ZNF723: variants seen among roughly 807,000 people sequenced by gnomAD.
ZNF723 encodes zinc finger protein 723, pseudogene.
ZNF723 carries 5 observed loss-of-function variants against 9.4 expected under a neutral mutation model. The ratio of observed to expected loss-of-function variants is 0.53; its 90% CI spans 0.28 to 1.12. ZNF723 has a LOEUF of 1.12. Ranked by LOEUF, ZNF723 falls within the 50% of genes most tolerant of loss-of-function variation. The pLI is 0.10. For synonymous variants in ZNF723, 158 were observed against 168.8 expected (o/e 0.94, Z 0.49); for missense variants, 450 against 501.5 (o/e 0.90, Z 0.98).
At position 22,857,420 on chromosome 19, in the gene ZNF723, G is replaced by T. The variant is rs1967495215; in HGVS notation, c.529G>T (p.Glu177Ter). The T allele has an allele frequency of 4.4e-6, 4 of 899,670 alleles. No homozygotes were observed. Among genetic ancestry groups the T allele is most frequent in the Non-Finnish European group, 7.5e-6 (4 of 536,288 alleles). The allele number at this position is 899,670 out of a possible 1,614,324, so 55.7% of individuals were successfully genotyped here. ...HTGNNSFKCKECGKSFCMLSH... is the reference protein window; with the variant it reads ...HTGNNSFKCK Reference sequence around the variant, plus strand: ...TGGAAATAATTCTTTCAAATGTAAAGAATGTGGCAAATCATTTTGCATGCT... The same window carrying T: ...TGGAAATAATTCTTTCAAATGTAAATAATGTGGCAAATCATTTTGCATGCT... The change falls in exon 4 of 4, where the codon GAA (glutamate) becomes TAA (stop). Residue 177 changes from glutamate (E) to a stop codon, truncating the protein, a stop_gained. Transcript: ENST00000600766. LOFTEE classifies it low-confidence loss of function (END_TRUNC).
rs1599482306 is a variant in ZNF723 at position 22,857,314 on chromosome 19, G to A, written c.423G>A (p.Pro141=). The A allele has an allele frequency of 3.5e-5, 29 of 821,278 alleles. No homozygotes were observed. In the East Asian group the frequency reaches 4.1e-4, roughly 12 times the overall value. 50.9% of individuals were successfully genotyped at this position (821,278 alleles called of 1,614,324 possible). A position where few individuals can be genotyped will look rare whatever the true frequency, so the allele number is the denominator to read the frequency against. Residue 141 remains proline (P), a synonymous_variant, in exon 4 of 4, where the codon CCG becomes CCA. Transcript: ENST00000600766. ...TTAAGCAATGTTTGACAACTACCCC[G>A]AGCAAAATATTTCAATGTGATAAAT... ...DELKQCLTTT[P]SKIFQCDKYV...
Position 22,858,218 on chromosome 19 carries a change from C to T in ZNF723, c.1327C>T (p.His443Tyr). 5 of 1,370,274 alleles carry T rather than the reference C, an allele frequency of 3.6e-6. No individual in the cohort carries two copies. Among genetic ancestry groups the T allele is most frequent in the Non-Finnish European group, 5.2e-6 (5 of 960,854 alleles). 84.9% of individuals were successfully genotyped at this position (1,370,274 alleles called of 1,614,324 possible). The change falls in exon 4 of 4, where the codon CAT (histidine) becomes TAT (tyrosine). Residue 443 changes from histidine (H) to tyrosine (Y), a missense_variant. His to Tyr is a moderately conservative substitution (Grantham distance 83, BLOSUM62 2). This residue lies in a region of ZNF723 where 237 missense variants were observed against 332.2 expected (regional missense o/e 0.71). Coordinates refer to ENST00000600766, the MANE Select transcript of ZNF723 (RefSeq NM_001349726.2). ...TAGCCAATCCTCAACCCTTACTAAA[C>T]ATAAGATAATTCATACTAAAGAGAA... is the stretch of plus-strand genomic sequence containing the variant. ...GFSQSSTLTK[H>Y]KIIHTKEKPY...
chr19:22,816,305 A>G, the ZNF723 span, among the ~76,000 whole-genome samples: 1 of 152,176 alleles, frequency 6.6e-6, no homozygotes, highest in South Asian at 2.1e-4. Context: ...TCACACCCAA[A>G]GTAAGTTGAA....
At chr19:22,852,355 A>G (rs1967409716) in intron 3 of ZNF723, among the ~76,000 whole-genome samples, 2 of 152,196 alleles carry the variant, frequency 1.3e-5, no homozygotes, top group African/African-American at 4.8e-5. Flanking sequence ...ATATGACAAT[A>G]TTAAAGTCTG....
At chr19:22,820,164 A>G in the ZNF723 span, among the ~76,000 whole-genome samples, 27,865 of 152,012 alleles carry the variant, frequency 0.18, 2,943 homozygotes, top group African/African-American at 0.29. Flanking sequence ...TTTCTCTGCC[A>G]TGCTCACAGT....
At chr19:22,843,773 G>T (rs1186196034) in intron 1 of ZNF723, among the ~76,000 whole-genome samples, 1 of 152,110 alleles carries the variant, frequency 6.6e-6, no homozygotes, top group Non-Finnish European at 1.5e-5. Flanking sequence ...TACCTGCTAA[G>T]AATACATATT....
intron 3 of ZNF723, among the ~76,000 whole-genome samples, chr19:22,851,089 G>T (rs955505415): frequency 6.6e-6 from 1 of 151,960 alleles, no homozygotes; most frequent in South Asian, 2.1e-4. Flanking sequence ...AAGTTTAAGG[G>T]TTTTATGCAC....
At chr19:22,838,474 C>G (rs544516136) in intron 1 of ZNF723, among the ~76,000 whole-genome samples, 215 of 152,146 alleles carry the variant, frequency 1.4e-3, no homozygotes, top group African/African-American at 5.0e-3. Flanking sequence ...ATTGCTTGGA[C>G]CCGGGAGGCG....
intron 3 of ZNF723, among the ~76,000 whole-genome samples, chr19:22,853,449 T>A (rs572217235): frequency 7.9e-5 from 12 of 152,184 alleles, no homozygotes; most frequent in Non-Finnish European, 1.6e-4. Flanking sequence ...TTTGAATAGA[T>A]GCATTCTCCA....
the ZNF723 span, among the ~76,000 whole-genome samples, chr19:22,812,954 T>TTTTTTTTG: frequency 2.6e-5 from 4 of 151,186 alleles, no homozygotes; most frequent in African/African-American, 9.8e-5. Context: ...AAGGTGTTTT[T>TTTTTTTTG]TTTGTTTGTT....
At chr19:22,835,833 A>T (rs778425657) in intron 1 of ZNF723, among the ~76,000 whole-genome samples, 1 of 152,212 alleles carries the variant, frequency 6.6e-6, no homozygotes, top group Non-Finnish European at 1.5e-5. Flanking sequence ...AATGCTAAAT[A>T]TTACAAGATG....
At chr19:22,841,939 C>T (rs1013352804) in intron 1 of ZNF723, among the ~76,000 whole-genome samples, 1 of 152,124 alleles carries the variant, frequency 6.6e-6, no homozygotes, top group Non-Finnish European at 1.5e-5. Flanking sequence ...TTTTAGTTGT[C>T]AAACTCAGAG....
intron 1 of ZNF723, among the ~76,000 whole-genome samples, chr19:22,835,288 C>T (rs935031215): frequency 5.3e-5 from 8 of 151,880 alleles, no homozygotes; most frequent in African/African-American, 9.7e-5. Context: ...GTAATCCACC[C>T]GCTTCAGCCT....
intron 3 of ZNF723, among the ~76,000 whole-genome samples, chr19:22,849,647 A>G (rs4932792): frequency 0.22 from 33,940 of 152,028 alleles, 4,738 homozygotes; most frequent in African/African-American, 0.4. Context: ...AATGTCTCAC[A>G]CCAGTAAACC....
rs1967510426 is a variant in ZNF723, at chr19:22,858,171, G to A, written c.1280G>A (p.Cys427Tyr). The change falls in exon 4 of 4, where the codon TGT (cysteine) becomes TAT (tyrosine). Residue 427 changes from cysteine (C) to tyrosine (Y), a missense_variant. Cys to Tyr is a radical substitution (Grantham distance 194). Transcript: ENST00000600766. ...CATACTGGAGAAAGACCTTACAAATGTAAACAATGTGGTAAAGGTTTTAGC... is the reference window on the plus strand; with the variant it reads ...CATACTGGAGAAAGACCTTACAAATATAAACAATGTGGTAAAGGTTTTAGC... Reference protein sequence around the residue: ...IIHTGERPYKCKQCGKGFSQS... With the variant: ...IIHTGERPYKYKQCGKGFSQS... The A allele has an allele frequency of 2.1e-6, 3 of 1,405,376 alleles. No homozygotes were observed. Among genetic ancestry groups the A allele is most frequent in the Admixed American group, 1.7e-5 (1 of 59,624 alleles). 87.1% of individuals were successfully genotyped at this position (1,405,376 alleles called of 1,614,324 possible).
In ZNF723 at chr19:22,857,620, C is replaced by G. The variant is rs12977826; in HGVS notation, c.729C>G (p.Ser243Arg). 40 of 1,293,570 alleles carry G rather than the reference C, an allele frequency of 3.1e-5. No individual in the cohort carries two copies. The South Asian group carries it at 4.7e-4, about 15-fold the overall frequency. 80.1% of individuals were successfully genotyped at this position (1,293,570 alleles called of 1,614,324 possible). ...ECGKAFNVSS[S>R]LNNHKRIHTG... Reference sequence around the variant, plus strand: ...GCAAAGCCTTTAATGTGTCCTCAAGCCTTAATAATCATAAGAGAATTCATA... The same window carrying G: ...GCAAAGCCTTTAATGTGTCCTCAAGGCTTAATAATCATAAGAGAATTCATA... Residue 243 changes from serine to arginine, a missense_variant, in exon 4 of 4, where the codon AGC becomes AGG. By Grantham distance (110) the Ser-to-Arg change is moderately radical. Around this residue, in one of 5 missense-constraint regions of ZNF723, gnomAD observed 237 missense variants for 332.2 expected, o/e 0.71. Transcript: ENST00000600766.
intron 3 of ZNF723, among the ~76,000 whole-genome samples, chr19:22,850,764 C>G (rs1967385563): frequency 6.6e-6 from 1 of 151,890 alleles, no homozygotes; most frequent in African/African-American, 2.4e-5. Context: ...TACGTTTTTT[C>G]TCATTTCCTG....
chr19:22,835,801 T>C (rs562672092), intron 1 of ZNF723, among the ~76,000 whole-genome samples: 8 of 152,346 alleles, frequency 5.3e-5, no homozygotes, highest in Non-Finnish European at 1.0e-4. Context: ...TTCTATAGCC[T>C]GTGATCTTGA....
intron 1 of ZNF723, among the ~76,000 whole-genome samples, chr19:22,846,340 C>T (rs531570107): frequency 2.8e-4 from 43 of 152,188 alleles, no homozygotes; most frequent in African/African-American, 8.9e-4. Flanking sequence ...AACAAGATGA[C>T]GGCCAGGTGC....
Sources: gnomAD v4.1 joint callset for allele counts (sites outside exome capture counted in the v4.1 genomes callset) on GRCh38, gnomAD v4.1.1 for gene constraint, gnomAD v4.1.1 regional missense constraint, MANE v1.5 for transcripts, NCBI Gene and HGNC (gene_info 2026-07-23, HGNC 2026-07-21) for gene names.